Variants in LAMC3 observed in about 807,000 individuals in gnomAD.
LAMC3 encodes laminin subunit gamma 3, also known as laminin subunit gamma-3.
A neutral mutation model predicts 173.8 loss-of-function variants in LAMC3; 128 were observed. The observed-to-expected ratio is 0.74, with a 90% CI of 0.64 to 0.85. The LOEUF (loss-of-function observed/expected upper bound fraction) is 0.85, where lower values mean the gene tolerates loss of function less well. Ranked by LOEUF, LAMC3 falls within the 40% of genes least tolerant of loss-of-function variation. The pLI, the probability that LAMC3 is intolerant of heterozygous loss-of-function variation, is 0.00. For synonymous variants in LAMC3, 897 were observed against 909.1 expected (o/e 0.99, Z 0.24); for missense variants, 2,022 against 2,156.0 (o/e 0.94, Z 1.23).
At chr9:131,073,786 C>T (rs941777333) in intron 20 of LAMC3, among the ~76,000 whole-genome samples, 5 of 152,206 alleles carry the variant, frequency 3.3e-5, no homozygotes, top group African/African-American at 4.8e-5. Context: ...CATCAGCCCC[C>T]GTTTCTCCTT....
intron 3 of LAMC3, among the ~76,000 whole-genome samples, chr9:131,032,854 GATGGGGTTTCTCC>G (rs1244320641): frequency 6.6e-6 from 1 of 152,198 alleles, no homozygotes; most frequent in African/African-American, 2.4e-5. Flanking sequence ...TTTTAGTAGA[GATGGGGTTTCTCC>G]ATGTTGGTCA....
chr9:131,044,053 G>T (rs543047834), intron 7 of LAMC3, among the ~76,000 whole-genome samples: 35 of 151,204 alleles, frequency 2.3e-4, no homozygotes, highest in African/African-American at 8.0e-4. Flanking sequence ...CTGTCTCCCG[G>T]GTTCAAGCGA....
In LAMC3 at chr9:131,072,801, A is replaced by G. The variant is rs1830059156; in HGVS notation, c.3383A>G (p.Glu1128Gly). The G allele has an allele frequency of 6.2e-7, 1 of 1,613,072 alleles. No homozygotes were observed. Reference protein sequence around the residue: ...LEAVLESSEEEILHAAAILAS... With the variant: ...LEAVLESSEEGILHAAAILAS... Reference sequence around the variant, plus strand: ...GCAGTGCTGGAGTCCTCGGAAGAGGAGATTCTGCATGCAGCTGCCATTCTC... The same window carrying G: ...GCAGTGCTGGAGTCCTCGGAAGAGGGGATTCTGCATGCAGCTGCCATTCTC... Residue 1128 changes from glutamate to glycine, a missense_variant, in exon 19 of 28, where the codon GAG (glutamate) becomes GGG (glycine). Transcript: ENST00000361069.
Position 131,052,982 on chromosome 9 carries a change from A to C in LAMC3, c.1939+17A>C. The C allele has an allele frequency of 1.3e-6, 2 of 1,569,670 alleles. No individual in the cohort carries two copies. Among genetic ancestry groups the C allele is most frequent in the African/African-American group, 1.4e-5 (1 of 74,048 alleles). On this transcript the variant is annotated intron_variant, in intron 11 of 27. Coordinates refer to ENST00000361069, the MANE Select transcript of LAMC3 (RefSeq NM_006059.4). ...GCCCTGCCGGTCAGTAAAGACAACC[A>C]CATGCCCAAGACCCGAGTGCTTGCC... is the stretch of plus-strand genomic sequence containing the variant.
chr9:131,092,703 C>T lies in LAMC3; in HGVS notation c.*916C>T, dbSNP rs1187858956. On this transcript the variant is annotated 3_prime_UTR_variant, in exon 28 of 28. Coordinates refer to ENST00000361069, the MANE Select transcript of LAMC3 (RefSeq NM_006059.4). ...TACCAGGAGCACGCCTCTGTGCCCCCGGCAACCCAGTTGACCTTTAATTGA... is the reference window on the plus strand; with the variant it reads ...TACCAGGAGCACGCCTCTGTGCCCCTGGCAACCCAGTTGACCTTTAATTGA... 6.6e-6 allele frequency: 1 copy of T among 152,316 alleles called. No homozygotes were observed. The highest frequency in any genetic ancestry group is 2.4e-5 in the African/African-American group (1 of 41,458). 9.4% of individuals were successfully genotyped at this position (152,316 alleles called of 1,614,324 possible). A position where few individuals can be genotyped will look rare whatever the true frequency, so the allele number is the denominator to read the frequency against.
chr9:131,035,352 A>G (rs1833922633), intron 3 of LAMC3, among the ~76,000 whole-genome samples: 1 of 152,028 alleles, frequency 6.6e-6, no homozygotes, highest in African/African-American at 2.4e-5. Context: ...GCCTCAGGAA[A>G]CTTACAATCA....
At chr9:131,037,392 C>G (rs1833966476) in intron 4 of LAMC3, among the ~76,000 whole-genome samples, 1 of 152,180 alleles carries the variant, frequency 6.6e-6, no homozygotes, top group Non-Finnish European at 1.5e-5. Context: ...TCCAGTCTGT[C>G]TAACTTCTGT....
At position 131,091,697 on chromosome 9, in the gene LAMC3, C is replaced by T. The variant is rs1362543401; in HGVS notation, c.4638C>T (p.Phe1546=). The T allele has an allele frequency of 1.9e-6, 3 of 1,611,276 alleles. No individual in the cohort carries two copies. Among genetic ancestry groups the T allele is most frequent in the South Asian group, 2.2e-5 (2 of 90,528 alleles). ...SQQQELQIQG[F]ESDLAEIRAD... ...AGCAGGAGCTGCAGATCCAGGGCTT[C>T]GAGAGTGACCTCGCCGAGATCCGCG... The change falls in exon 28 of 28, where the codon TTC becomes TTT. Residue 1546 remains phenylalanine (F), a synonymous_variant. Transcript: ENST00000361069.
chr9:131,026,261 T>A lies in LAMC3; in HGVS notation c.374-24T>A. The A allele has an allele frequency of 6.2e-7, 1 of 1,613,840 alleles. No individual in the cohort carries two copies. Among genetic ancestry groups the A allele is most frequent in the Non-Finnish European group, 8.5e-7 (1 of 1,179,932 alleles). On this transcript the variant is annotated intron_variant, in intron 1 of 27. Coordinates refer to ENST00000361069, the MANE Select transcript of LAMC3 (RefSeq NM_006059.4). The surrounding 1 kb of genome is among the most constrained non-coding windows in gnomAD (Gnocchi z 4.8). ...CATACCTCCTTCCCCTTCCATAAAA[T>A]GGGCCCCGTTTTCCTGGCTGCAGGG...
Position 131,092,177 on chromosome 9 carries a change from T to C in LAMC3, c.*390T>C. ...CCACAGCTGTTGTGAGAGCCACCTG[T>C]GTGCTGGACACCCTCTGGATGTTGG... On this transcript the variant is annotated 3_prime_UTR_variant, in exon 28 of 28. Transcript: ENST00000361069. 3.7e-6 allele frequency: 1 copy of C among 270,206 alleles called. No individual in the cohort carries two copies. Among genetic ancestry groups the C allele is most frequent in the Non-Finnish European group, 7.2e-6 (1 of 138,508 alleles). The allele number at this position is 270,206 out of a possible 1,614,324, so 16.7% of individuals were successfully genotyped here.
intron 12 of LAMC3, among the ~76,000 whole-genome samples, chr9:131,060,670 T>C (rs1829788621): frequency 8.6e-6 from 1 of 115,864 alleles, no homozygotes; most frequent in Non-Finnish European, 1.9e-5. Context: ...ATAATAATAA[T>C]AACAGCAGCG....
At chr9:131,036,411 G>T in intron 4 of LAMC3, 79 bp downstream of exon 4, 1 of 1,538,572 alleles carries the variant, frequency 6.5e-7, no homozygotes, top group Non-Finnish European at 8.9e-7. Flanking sequence ...CCAAAACGTC[G>T]TGGTGGGGGC....
chr9:131,092,377 C>T lies in LAMC3; in HGVS notation c.*590C>T, dbSNP rs904916431. ...CCTGACCTGTGTTGCTGCGTGCACT[C>T]CCTACAGCTCGACACAGCCAGGGGA... On this transcript the variant is annotated 3_prime_UTR_variant, in exon 28 of 28. Coordinates refer to ENST00000361069, the MANE Select transcript of LAMC3 (RefSeq NM_006059.4). The T allele has an allele frequency of 9.5e-5, 15 of 157,160 alleles. No homozygotes were observed. The highest frequency in any genetic ancestry group is 3.6e-4 in the African/African-American group (15 of 41,526). The allele number at this position is 157,160 out of a possible 1,614,324, so 9.7% of individuals were successfully genotyped here.
intron 1 of LAMC3, among the ~76,000 whole-genome samples, chr9:131,013,907 G>T (rs1833470744): frequency 1.3e-5 from 2 of 152,224 alleles, no homozygotes. Flanking sequence ...CTGTCTTCCT[G>T]TCGAGTGGGC....
intron 1 of LAMC3, among the ~76,000 whole-genome samples, chr9:131,021,903 C>T (rs116031888): frequency 3.3e-4 from 50 of 152,274 alleles, no homozygotes; most frequent in South Asian, 1.7e-3. Flanking sequence ...GGTGAAGGGA[C>T]GGGAGCTTCC....
intron 1 of LAMC3, among the ~76,000 whole-genome samples, chr9:131,013,521 C>T (rs1048609206): frequency 6.6e-6 from 1 of 152,168 alleles, no homozygotes; most frequent in African/African-American, 2.4e-5. Context: ...GCTCACTGGC[C>T]ACAGGATGCA....
rs139021694 is a variant in LAMC3, at chr9:131,028,674, G to A, written c.678+2085G>A. On this transcript the variant is annotated intron_variant, in intron 2 of 27. Coordinates refer to ENST00000361069, the MANE Select transcript of LAMC3 (RefSeq NM_006059.4). ...GGCTCACATCAGCCAGTGGAGAGGC[G>A]CCCGGCCAGGTCACAGAAGGGACCA... 1.4e-3 allele frequency among the ~76,000 whole-genome samples: 213 copies of A among 152,280 alleles called. 1 individual carries two copies. The highest frequency in any genetic ancestry group is 6.8e-3 in the Middle Eastern group (2 of 294).
At chr9:131,032,683 T>C (rs1019049360) in intron 3 of LAMC3, among the ~76,000 whole-genome samples, 1 of 151,940 alleles carries the variant, frequency 6.6e-6, no homozygotes, top group Non-Finnish European at 1.5e-5. Context: ...GCTCTCTCTC[T>C]CTCTGAAGGA....
At chr9:131,078,363 G>A (rs967959505) in intron 22 of LAMC3, among the ~76,000 whole-genome samples, 13 of 152,216 alleles carry the variant, frequency 8.5e-5, no homozygotes, top group African/African-American at 2.9e-4. Flanking sequence ...ATGGTGGCGG[G>A]CGTCTGTAGT....
Sources: gnomAD v4.1 joint callset for allele counts (sites outside exome capture counted in the v4.1 genomes callset) on GRCh38, gnomAD v4.1.1 for gene constraint, Gnocchi (gnomAD v3.1) non-coding constraint, MANE v1.5 for transcripts, NCBI Gene and HGNC (gene_info 2026-07-23, HGNC 2026-07-21) for gene names.